Variants in SERINC5 observed in about 807,000 individuals in gnomAD.
SERINC5 encodes the protein serine incorporator 5.
A neutral mutation model predicts 63.1 loss-of-function variants in SERINC5; 41 were observed. That is an observed-to-expected ratio of 0.65 (90% confidence interval 0.51 to 0.84). The LOEUF (loss-of-function observed/expected upper bound fraction) is 0.84, where lower values mean the gene tolerates loss of function less well. Ranked by LOEUF, SERINC5 falls within the 40% of genes least tolerant of loss-of-function variation. The probability of loss-of-function intolerance (pLI) is 0.00; values close to 1 mark genes in which losing one functional copy is unlikely to be tolerated. For missense variants in SERINC5, 523 were observed against 573.0 expected (o/e 0.91, Z 0.89); for synonymous variants, 222 against 215.2 (o/e 1.03, Z -0.28).
intron 1 of SERINC5, among the ~76,000 whole-genome samples, chr5:80,205,478 G>C (rs868283167): frequency 1.3e-5 from 2 of 152,194 alleles, no homozygotes; most frequent in African/African-American, 4.8e-5. Flanking sequence ...GAAATAATGA[G>C]AGTATGTAAC....
rs1192124259 is a variant in SERINC5 at position 80,158,942 on chromosome 5, T to C, written c.880A>G (p.Asn294Asp). Residue 294 changes from asparagine (N) to aspartate (D), a missense_variant, in exon 8 of 12, where the codon AAT becomes GAT. Asn to Asp is a conservative substitution (Grantham distance 23). Coordinates refer to ENST00000507668, the MANE Select transcript of SERINC5 (RefSeq NM_001174072.3). ...AAGTCAGGCACACAGATTGTAACAT[T>C]TTTCCCATGTTCATCTAGAACTTGA... Reference protein sequence around the residue: ...AEVVLDEHGKNVTICVPDFGQ... With the variant: ...AEVVLDEHGKDVTICVPDFGQ... 1 of 1,613,766 alleles carries C rather than the reference T, an allele frequency of 6.2e-7. No homozygotes were observed. The highest frequency in any genetic ancestry group is 1.3e-5 in the African/African-American group (1 of 75,052).
intron 1 of SERINC5, among the ~76,000 whole-genome samples, chr5:80,245,344 C>T (rs1752124311): frequency 3.3e-5 from 5 of 152,280 alleles, no homozygotes; most frequent in African/African-American, 7.2e-5. Flanking sequence ...CCACTCTCCC[C>T]GTGCTCCCCT....
chr5:80,143,328 T>C lies in SERINC5; in HGVS notation c.*335A>G. The C allele has an allele frequency of 9.6e-7, 1 of 1,036,742 alleles. No individual in the cohort carries two copies. The highest frequency in any genetic ancestry group is 1.2e-6 in the Non-Finnish European group (1 of 863,226). 64.2% of individuals were successfully genotyped at this position (1,036,742 alleles called of 1,614,324 possible). On this transcript the variant is annotated 3_prime_UTR_variant, in exon 12 of 12. Transcript: ENST00000507668. ...GATGAGAATGACTGGCCCCACAAGA[T>C]ATTTTTATCCCTGTGAAAAGATGCT...
In SERINC5 at chr5:80,147,268, AAAC is replaced by A; in HGVS notation, c.1067_1069del (p.Cys356del). ...ACCCTCTCCACCAGGACTGAAGCAA[AAAC>A]AACAGCGAGCTATCTGTGAAAGCAA... On this transcript the variant is annotated inframe_deletion, in exon 10 of 12. Transcript: ENST00000507668. 1 of 1,605,862 alleles carries A rather than the reference AAAC, an allele frequency of 6.2e-7. No individual in the cohort carries two copies. The highest frequency in any genetic ancestry group is 8.5e-7 in the Non-Finnish European group (1 of 1,176,704).
intron 2 of SERINC5, among the ~76,000 whole-genome samples, chr5:80,202,102 G>GT (rs1354383914): frequency 1.3e-5 from 2 of 152,066 alleles, no homozygotes; most frequent in Non-Finnish European, 2.9e-5. Context: ...GCTGGCCGTG[G>GT]TGGGGGGCAC....
At chr5:80,213,555 T>C (rs765608713) in intron 1 of SERINC5, among the ~76,000 whole-genome samples, 79 of 152,270 alleles carry the variant, frequency 5.2e-4, no homozygotes, top group Middle Eastern at 6.8e-3. Flanking sequence ...CAAACCTCGG[T>C]TTCCTACAGG....
chr5:80,142,218 C>G lies in SERINC5; in HGVS notation c.*1445G>C, dbSNP rs1423089828. 1 of 984,714 alleles carries G rather than the reference C, an allele frequency of 1.0e-6. No individual in the cohort carries two copies. The highest frequency in any genetic ancestry group is 6.2e-5 in the Admixed American group (1 of 16,114). The allele number at this position is 984,714 out of a possible 1,614,324, so 61.0% of individuals were successfully genotyped here. A position where few individuals can be genotyped will look rare whatever the true frequency, so the allele number is the denominator to read the frequency against. On this transcript the variant is annotated 3_prime_UTR_variant, in exon 12 of 12. Transcript: ENST00000507668. Reference sequence around the variant, plus strand: ...TGAATACATCAACACTGAAAATAGGCATCATCTTGGGTAGCTGCCGAAAGT... The same window carrying G: ...TGAATACATCAACACTGAAAATAGGGATCATCTTGGGTAGCTGCCGAAAGT...
intron 2 of SERINC5, among the ~76,000 whole-genome samples, chr5:80,180,757 G>A (rs1748366601): frequency 1.3e-5 from 2 of 152,096 alleles, no homozygotes; most frequent in Admixed American, 1.3e-4. Flanking sequence ...AGGGAGTAAA[G>A]GAAGAGTTAA....
chr5:80,178,384 G>A (rs1185400862), intron 2 of SERINC5, among the ~76,000 whole-genome samples: 5 of 102,538 alleles, frequency 4.9e-5, no homozygotes, highest in African/African-American at 2.0e-4. Flanking sequence ...CCCAAGACAA[G>A]GTCTCTCTGG....
At chr5:80,172,949 C>T (rs1747758011) in intron 5 of SERINC5, among the ~76,000 whole-genome samples, 1 of 152,128 alleles carries the variant, frequency 6.6e-6, no homozygotes, top group Non-Finnish European at 1.5e-5. Flanking sequence ...TATATTATCC[C>T]CTTGTTCATT....
chr5:80,122,333 G>A (rs1744583924), intron 11 of SERINC5, among the ~76,000 whole-genome samples: 1 of 151,982 alleles, frequency 6.6e-6, no homozygotes, highest in African/African-American at 2.4e-5. Context: ...GAAAGATGTA[G>A]AGTGGGAGGC....
intron 5 of SERINC5, 84 bp from the exon 6 acceptor site, chr5:80,169,630 C>T (rs1266397578): frequency 1.9e-6 from 2 of 1,066,378 alleles, no homozygotes; most frequent in Non-Finnish European, 2.8e-6. Flanking sequence ...AGTCACCATC[C>T]CTCAGGCAGT....
At chr5:80,227,646 T>C (rs921987748) in intron 1 of SERINC5, among the ~76,000 whole-genome samples, 2 of 151,532 alleles carry the variant, frequency 1.3e-5, no homozygotes, top group African/African-American at 4.9e-5. Context: ...TGTTTATTTT[T>C]AAATTGACTA....
chr5:80,241,501 A>G (rs1196576794), intron 1 of SERINC5, among the ~76,000 whole-genome samples: 1 of 152,076 alleles, frequency 6.6e-6, no homozygotes, highest in African/African-American at 2.4e-5. Context: ...AAAAAGGCAT[A>G]TAAACACAGT....
chr5:80,144,635 G>A (rs560887464), intron 11 of SERINC5, among the ~76,000 whole-genome samples: 2 of 151,978 alleles, frequency 1.3e-5, no homozygotes, highest in Non-Finnish European at 2.9e-5. Context: ...CCTCCTTCAG[G>A]AAGAATCTCT....
At chr5:80,203,569 T>C (rs1382465213) in intron 1 of SERINC5, among the ~76,000 whole-genome samples, 1 of 151,994 alleles carries the variant, frequency 6.6e-6, no homozygotes, top group Non-Finnish European at 1.5e-5. Flanking sequence ...CCCAGCTACT[T>C]GGGAGGCTAT....
At chr5:80,172,974 C>T (rs2112396693) in intron 5 of SERINC5, among the ~76,000 whole-genome samples, 1 of 152,162 alleles carries the variant, frequency 6.6e-6, no homozygotes, top group African/African-American at 2.4e-5. Context: ...AATTGGAGAC[C>T]CACTTGAAGG....
chr5:80,176,873 A>G (rs1316210803), intron 4 of SERINC5, among the ~76,000 whole-genome samples: 2 of 152,240 alleles, frequency 1.3e-5, no homozygotes, highest in Non-Finnish European at 2.9e-5. Flanking sequence ...TAAAGGCTTC[A>G]TATTAATGAA....
chr5:80,140,037 G>A lies in SERINC5; in HGVS notation c.*3626C>T. The A allele has an allele frequency of 1.0e-6, 1 of 985,280 alleles. No homozygotes were observed. The highest frequency in any genetic ancestry group is 1.2e-6 in the Non-Finnish European group (1 of 829,890). 61.0% of individuals were successfully genotyped at this position (985,280 alleles called of 1,614,324 possible). A position where few individuals can be genotyped will look rare whatever the true frequency, so the allele number is the denominator to read the frequency against. On this transcript the variant is annotated 3_prime_UTR_variant, in exon 12 of 12. Transcript: ENST00000507668. ...TTAAATAAATACATCATCTTAAAAAGGCAGAGGGTAGGCTGCGTGCAGTGG... is the reference window on the plus strand; with the variant it reads ...TTAAATAAATACATCATCTTAAAAAAGCAGAGGGTAGGCTGCGTGCAGTGG...
Sources: allele counts gnomAD v4.1 joint callset (sites outside exome capture counted in the v4.1 genomes callset), GRCh38; gene constraint gnomAD v4.1.1; transcripts MANE v1.5; gene names NCBI Gene and HGNC (gene_info 2026-07-23, HGNC 2026-07-21).